The following FSIP2 variants were observed in gnomAD, a reference collection of about 807,000 sequenced individuals.
The protein encoded by FSIP2 is fibrous sheath-interacting protein 2.
In FSIP2, 367 loss-of-function variants were observed where a neutral mutation model predicts 510.5. The observed-to-expected ratio is 0.72, with a 90% CI of 0.66 to 0.78. The LOEUF (loss-of-function observed/expected upper bound fraction) is 0.78. Ranked by LOEUF, FSIP2 falls within the 30% of genes least tolerant of loss-of-function variation. FSIP2 has a pLI of 0.00. For synonymous variants in FSIP2, 2,601 were observed against 2,732.2 expected, an observed-to-expected ratio of 0.95 and a Z score of 1.50; for missense variants, 7,594 against 7,901.7, an observed-to-expected ratio of 0.96 and a Z score of 1.48.
chr2:185,793,773 CG>C lies in FSIP2; in HGVS notation c.6638del (p.Arg2213LeufsTer18), dbSNP rs1559028155. The C allele has an allele frequency of 6.5e-7, 1 of 1,532,132 alleles. No individual in the cohort carries two copies. Among genetic ancestry groups the C allele is most frequent in the Admixed American group, 2.0e-5 (1 of 50,508 alleles). 94.9% of individuals were successfully genotyped at this position (1,532,132 alleles called of 1,614,324 possible). On this transcript the variant is annotated frameshift_variant, in exon 16 of 23. Transcript: ENST00000424728. LOFTEE classifies it high-confidence loss of function. ...GTCAAAAACTGAAAGAAAAACAGAG[CG>C]TTTTTCATATTCAAGAAATCAGAAA... is the stretch of plus-strand genomic sequence containing the variant. ...KGSKTERKTE[R>X]FSYSRNQKSA...
At position 185,813,879 on chromosome 2, in the gene FSIP2, C is replaced by T; in HGVS notation, c.20162C>T (p.Thr6721Ile). ...KFLSLSKCCQ[T>I]TASANIESTE... ...TTGTCACTAAGTAAATGTTGTCAGA[C>T]CACAGCCAGTGCAAATATTGAAAGT... is the stretch of plus-strand genomic sequence containing the variant. The change falls in exon 18 of 23, where the codon ACC becomes ATC. Residue 6721 changes from threonine to isoleucine, a missense_variant. Physicochemically the swap from Thr to Ile is moderately conservative, Grantham distance 89. Coordinates refer to ENST00000424728, the MANE Select transcript of FSIP2 (RefSeq NM_173651.4). The T allele has an allele frequency of 6.2e-7, 1 of 1,613,664 alleles. No homozygotes were observed. Among genetic ancestry groups the T allele is most frequent in the East Asian group, 2.2e-5 (1 of 44,810 alleles).
At position 185,796,856 on chromosome 2, in the gene FSIP2, A is replaced by C; in HGVS notation, c.9720A>C (p.Lys3240Asn). ...TGCCATCGTGTTCTACTAGAAACAA[A>C]GTACAAGACCACAGACCAAGGGAAT... ...ETMPSCSTRN[K>N]VQDHRPRESN... The change falls in exon 16 of 23, where the codon AAA becomes AAC. Residue 3240 changes from lysine (K) to asparagine (N), a missense_variant. Lys to Asn is a moderately conservative substitution (Grantham distance 94). Transcript: ENST00000424728. The C allele has an allele frequency of 1.3e-6, 2 of 1,535,214 alleles. No homozygotes were observed. Among genetic ancestry groups the C allele is most frequent in the Non-Finnish European group, 1.7e-6 (2 of 1,146,324 alleles).
intron 21 of FSIP2, among the ~76,000 whole-genome samples, chr2:185,830,526 T>C (rs1694088979): frequency 6.6e-6 from 1 of 151,880 alleles, no homozygotes. Context: ...GGTGTAATAT[T>C]TGCATATAAC....
intron 13 of FSIP2, among the ~76,000 whole-genome samples, chr2:185,776,694 A>G (rs181224942): frequency 1.3e-5 from 2 of 152,276 alleles, no homozygotes; most frequent in East Asian, 3.9e-4. Context: ...TTTTATGGAT[A>G]TACAAAATAA....
rs1439674078 is a variant in FSIP2, at chr2:185,804,552, T to C, written c.15246T>C (p.Ser5082=). Residue 5082 remains serine, a synonymous_variant, in exon 17 of 23, where the codon TCT becomes TCC. Coordinates refer to ENST00000424728, the MANE Select transcript of FSIP2 (RefSeq NM_173651.4). The stretch of plus-strand genomic sequence containing the variant: ...TTTCAGGAGAATTAGAGTCTTCTTC[T>C]TATTCGTATCCCCAAGCTGATAATA... The part of the protein sequence containing the change: ...SLVSGELESS[S]YSYPQADNII... The C allele has an allele frequency of 6.5e-7, 1 of 1,527,732 alleles. No individual in the cohort carries two copies. Among genetic ancestry groups the C allele is most frequent in the Non-Finnish European group, 8.7e-7 (1 of 1,143,238 alleles). The allele number at this position is 1,527,732 out of a possible 1,614,324, so 94.6% of individuals were successfully genotyped here.
At chr2:185,769,980 G>T (rs920816622) in intron 13 of FSIP2, among the ~76,000 whole-genome samples, 4 of 152,160 alleles carry the variant, frequency 2.6e-5, no homozygotes, top group African/African-American at 9.7e-5. Context: ...TAGACCTGTA[G>T]TATACTTTGA....
intron 13 of FSIP2, among the ~76,000 whole-genome samples, chr2:185,772,365 T>A (rs1443033799): frequency 1.3e-5 from 2 of 152,200 alleles, no homozygotes; most frequent in Admixed American, 1.3e-4. Flanking sequence ...TATAAAGGAA[T>A]ACCTGAGGCT....
Position 185,799,713 on chromosome 2 carries a change from G to A in FSIP2, c.10407G>A (p.Lys3469=). 7.5e-7 allele frequency: 1 copy of A among 1,337,580 alleles called. No individual in the cohort carries two copies. The highest frequency in any genetic ancestry group is 9.9e-7 in the Non-Finnish European group (1 of 1,013,354). 82.9% of individuals were successfully genotyped at this position (1,337,580 alleles called of 1,614,324 possible). The part of the protein sequence containing the change: ...NFETTVFSEE[K]MSVSTWSRKK... ...TTTTTTAAGTTTTTAGTGAGGAAAA[G>A]ATGTCTGTTTCTACATGGTCAAGGA... Residue 3469 remains lysine (K), a synonymous_variant, in exon 17 of 23, where the codon AAG becomes AAA. Transcript: ENST00000424728.
chr2:185,772,844 TTTC>T (rs1194558548), intron 13 of FSIP2, among the ~76,000 whole-genome samples: 2 of 151,624 alleles, frequency 1.3e-5, no homozygotes, highest in African/African-American at 2.4e-5. Context: ...TTTCTTCTCC[TTTC>T]TTTTCTTTTG....
chr2:185,813,002 G>A (rs1693765919), intron 17 of FSIP2, among the ~76,000 whole-genome samples: 1 of 152,004 alleles, frequency 6.6e-6, no homozygotes, highest in Admixed American at 6.6e-5. Context: ...TAGGAAGTGA[G>A]AAGACATGAA....
chr2:185,818,789 AACACT>A (rs1693867022), intron 19 of FSIP2, among the ~76,000 whole-genome samples: 1 of 151,916 alleles, frequency 6.6e-6, no homozygotes, highest in Non-Finnish European at 1.5e-5. Context: ...GGAGTTCATT[AACACT>A]AGATCTACCT....
In FSIP2 at chr2:185,801,131, C is replaced by T; in HGVS notation, c.11825C>T (p.Ser3942Leu). Residue 3942 changes from serine (S) to leucine (L), a missense_variant, in exon 17 of 23, where the codon TCA (serine) becomes TTA (leucine). Coordinates refer to ENST00000424728, the MANE Select transcript of FSIP2 (RefSeq NM_173651.4). ...TGTGCAGTAAAATCCTCTTCTGTGTCACCTTTTGAAAGACAGAGAACAAAG... is the reference window on the plus strand; with the variant it reads ...TGTGCAGTAAAATCCTCTTCTGTGTTACCTTTTGAAAGACAGAGAACAAAG... ...KHCAVKSSSV[S>L]PFERQRTKEM... 1 of 1,533,578 alleles carries T rather than the reference C, an allele frequency of 6.5e-7. No individual in the cohort carries two copies. Among genetic ancestry groups the T allele is most frequent in the South Asian group, 1.2e-5 (1 of 83,894 alleles). The allele number at this position is 1,533,578 out of a possible 1,614,324, so 95.0% of individuals were successfully genotyped here. A position where few individuals can be genotyped will look rare whatever the true frequency, so the allele number is the denominator to read the frequency against.
At chr2:185,822,466 A>G (rs1365491963) in intron 19 of FSIP2, among the ~76,000 whole-genome samples, 1 of 151,984 alleles carries the variant, frequency 6.6e-6, no homozygotes, top group Non-Finnish European at 1.5e-5. Context: ...TACATTAATA[A>G]CAAACAGAAT....
In FSIP2 at chr2:185,793,089, A is replaced by G. The variant is rs935625580; in HGVS notation, c.5953A>G (p.Lys1985Glu). The change falls in exon 16 of 23, where the codon AAG becomes GAG. Residue 1985 changes from lysine (K) to glutamate (E), a missense_variant. By Grantham distance (56) the Lys-to-Glu change is moderately conservative. Coordinates refer to ENST00000424728, the MANE Select transcript of FSIP2 (RefSeq NM_173651.4). ...TTCCTGTTGCTCAGTAGATCATACC[A>G]AGTCAGGAAAGACCAACTTGTGCCA... ...QFSCCSVDHT[K>E]SGKTNLCQLS... The G allele has an allele frequency of 4.6e-6, 7 of 1,534,276 alleles. No homozygotes were observed. Among genetic ancestry groups the G allele is most frequent in the African/African-American group, 4.1e-5 (3 of 72,872 alleles).
In FSIP2 at chr2:185,804,247, C is replaced by T. The variant is rs1693508238; in HGVS notation, c.14941C>T (p.Leu4981Phe). The T allele has an allele frequency of 6.5e-7, 1 of 1,528,462 alleles. No individual in the cohort carries two copies. Among genetic ancestry groups the T allele is most frequent in the Non-Finnish European group, 8.7e-7 (1 of 1,143,184 alleles). The allele number at this position is 1,528,462 out of a possible 1,614,324, so 94.7% of individuals were successfully genotyped here. The change falls in exon 17 of 23, where the codon CTT becomes TTT. Residue 4981 changes from leucine (L) to phenylalanine (F), a missense_variant. Transcript: ENST00000424728. Reference sequence around the variant, plus strand: ...AAATCCAGATAGAGTGAAACTGAAACTTACCAGGATTGTTACAACATTGGT... The same window carrying T: ...AAATCCAGATAGAGTGAAACTGAAATTTACCAGGATTGTTACAACATTGGT... ...TENPDRVKLK[L>F]TRIVTTLVNS...
At chr2:185,826,561 C>A (rs973121410) in intron 20 of FSIP2, among the ~76,000 whole-genome samples, 1 of 151,730 alleles carries the variant, frequency 6.6e-6, no homozygotes, top group East Asian at 1.9e-4. Context: ...CTGATCAGGA[C>A]GCTACCTATC....
Position 185,806,898 on chromosome 2 carries a change from T to C in FSIP2, c.17592T>C (p.Pro5864=). ...QFPGGKVSSV[P]KVPPRYKEPT... ...CTGGGGGTAAAGTGTCTTCAGTTCCTAAAGTACCTCCAAGGTATAAAGAGC... is the reference window on the plus strand; with the variant it reads ...CTGGGGGTAAAGTGTCTTCAGTTCCCAAAGTACCTCCAAGGTATAAAGAGC... Residue 5864 remains proline, a synonymous_variant, in exon 17 of 23, where the codon CCT becomes CCC. Transcript: ENST00000424728. 6.2e-7 allele frequency: 1 copy of C among 1,609,386 alleles called. No individual in the cohort carries two copies. The highest frequency in any genetic ancestry group is 8.5e-7 in the Non-Finnish European group (1 of 1,178,118).
chr2:185,775,247 T>C (rs1692693798), intron 13 of FSIP2, among the ~76,000 whole-genome samples: 1 of 148,914 alleles, frequency 6.7e-6, no homozygotes, highest in Non-Finnish European at 1.5e-5. Context: ...GCACCTGTTG[T>C]TTCCTGACTT....
At position 185,795,541 on chromosome 2, in the gene FSIP2, C is replaced by T. The variant is rs1280354722; in HGVS notation, c.8405C>T (p.Ser2802Leu). The change falls in exon 16 of 23, where the codon TCA becomes TTA. Residue 2802 changes from serine to leucine, a missense_variant. By Grantham distance (145) the Ser-to-Leu change is moderately radical (BLOSUM62 -2). Coordinates refer to ENST00000424728, the MANE Select transcript of FSIP2 (RefSeq NM_173651.4). ...ATGAAATCCTCACATCTCAGACTTT[C>T]ACAGGGGAATATAGGCACAGGATCC... ...YPMKSSHLRL[S>L]QGNIGTGSLP... is the part of the protein sequence containing the mutation. The T allele has an allele frequency of 6.5e-7, 1 of 1,534,708 alleles. No individual in the cohort carries two copies. Among genetic ancestry groups the T allele is most frequent in the East Asian group, 2.4e-5 (1 of 40,860 alleles).
Sources: allele counts gnomAD v4.1 joint callset (sites outside exome capture counted in the v4.1 genomes callset), GRCh38; gene constraint gnomAD v4.1.1; transcripts MANE v1.5; gene names NCBI Gene and HGNC (gene_info 2026-07-23, HGNC 2026-07-21).